Variants in IFT172 observed in about 807,000 individuals in gnomAD.
IFT172 encodes intraflagellar transport 172.
Under a neutral mutation model 248.9 loss-of-function variants are expected in IFT172, and 164 were observed. The observed-to-expected ratio is 0.66, with a 90% confidence interval of 0.58 to 0.75. The LOEUF is 0.75. Among genes scored for constraint, IFT172 ranks in the 30% least tolerant of loss-of-function variants. IFT172 has a pLI of 0.00. For synonymous variants in IFT172, 729 were observed against 791.6 expected, an observed-to-expected ratio of 0.92 and a Z score of 1.33; for missense variants, 1,950 against 2,192.4, an observed-to-expected ratio of 0.89 and a Z score of 2.21.
At position 27,459,488 on chromosome 2, in the gene IFT172, C is replaced by T. The variant is rs1558377434; in HGVS notation, c.2677G>A (p.Ala893Thr). 6.2e-7 allele frequency: 1 copy of T among 1,614,138 alleles called. No individual in the cohort carries two copies. The highest frequency in any genetic ancestry group is 1.7e-5 in the Admixed American group (1 of 60,024). ...SIKAIEAALGARQWKKAIYIL... is the reference protein window; with the variant it reads ...SIKAIEAALGTRQWKKAIYIL... ...TAAATTGCCTTCTTCCACTGGCGGG[C>T]ACCCAGGGCGGCCTCAATTGCCTTA... Residue 893 changes from alanine (A) to threonine (T), a missense_variant, in exon 25 of 48, where the codon GCC becomes ACC. Transcript: ENST00000260570.
At chr2:27,485,880 A>C (rs1381217727) in intron 1 of IFT172, among the ~76,000 whole-genome samples, 3 of 152,254 alleles carry the variant, frequency 2.0e-5, no homozygotes, top group Non-Finnish European at 4.4e-5. Flanking sequence ...TGATCAAGGC[A>C]CTTGGCCAGG....
In IFT172 at chr2:27,457,781, G is replaced by C; in HGVS notation, c.3112-26C>G. On this transcript the variant is annotated intron_variant, in intron 28 of 47. Coordinates refer to ENST00000260570, the MANE Select transcript of IFT172 (RefSeq NM_015662.3). ...CTGCAGGAAGGTGAGTCAGGATGGA[G>C]AGATGGGGAGATGGAGCCTGGTTGG... is the stretch of plus-strand genomic sequence containing the variant. The C allele has an allele frequency of 2.5e-6, 4 of 1,614,130 alleles. No homozygotes were observed. The African/African-American group carries it at 4.0e-5, about 16-fold the overall frequency.
chr2:27,465,649 C>T (rs1338696095), intron 17 of IFT172, 97 bp downstream of exon 17: 16 of 1,563,020 alleles, frequency 1.0e-5, no homozygotes, highest in Non-Finnish European at 1.2e-5. Context: ...TCACTGGATC[C>T]TTATTAGTGC....
Position 27,454,541 on chromosome 2 carries a change from G to A in IFT172, c.3465+26C>T, listed in dbSNP as rs1274574140. On this transcript the variant is annotated intron_variant, in intron 31 of 47. Transcript: ENST00000260570. The surrounding 1 kb of genome is among the most constrained non-coding windows in gnomAD (Gnocchi z 4.2). ...AGGGGATGGAATAAGAGGGCTCTGCGGTCGGGGTCCAAATCACACCCATAC... is the reference window on the plus strand; with the variant it reads ...AGGGGATGGAATAAGAGGGCTCTGCAGTCGGGGTCCAAATCACACCCATAC... The A allele has an allele frequency of 1.2e-5, 20 of 1,611,938 alleles. No homozygotes were observed. In the East Asian group the frequency reaches 1.6e-4, roughly 13 times the overall value.
rs34115935 is a variant in IFT172, at chr2:27,467,418, G to GAAAAA, written c.1693-1541_1693-1537dup. 9.7e-4 allele frequency among the ~76,000 whole-genome samples: 16 copies of GAAAAA among 16,428 alleles called. 1 individual carries two copies. Among genetic ancestry groups the GAAAAA allele is most frequent in the East Asian group, 2.4e-3 (1 of 420 alleles). The allele number at this position is 16,428 out of a possible 152,430, so 10.8% of individuals were successfully genotyped here. A position where few individuals can be genotyped will look rare whatever the true frequency, so the allele number is the denominator to read the frequency against. ...TGAGAACTTGTCTTTACAGAAAATTGAAAAAAAAAAAAAAAAAAAAAAAAA... is the reference window on the plus strand; with the variant it reads ...TGAGAACTTGTCTTTACAGAAAATTGAAAAAAAAAAAAAAAAAAAAAAAAAAAAAA... On this transcript the variant is annotated intron_variant, in intron 16 of 47. Transcript: ENST00000260570.
At chr2:27,476,801 A>G (rs112624394) in intron 13 of IFT172, 75 bp from the exon 14 acceptor site, 1 of 816,858 alleles carries the variant, frequency 1.2e-6, no homozygotes, top group South Asian at 1.5e-5. Context: ...CTGAAGTACC[A>G]TATGGGATGA....
chr2:27,482,714 A>C (rs1407359755), intron 7 of IFT172, among the ~76,000 whole-genome samples: 1 of 152,172 alleles, frequency 6.6e-6, no homozygotes, highest in African/African-American at 2.4e-5. Flanking sequence ...ATCTACATAC[A>C]TAAATATATA....
chr2:27,465,470 T>A lies in IFT172; in HGVS notation c.1878A>T (p.Ala626=). ...ETLEMTPETE[A]MWKTLSKLAL... ...CCAGTTTACTCAAGGTTTTCCACAT[T>A]GCCTCTGTTTCTGGGGTCATTTCCA... Residue 626 remains alanine, a synonymous_variant, in exon 18 of 48, where the codon GCA becomes GCT. Transcript: ENST00000260570. 6.2e-7 allele frequency: 1 copy of A among 1,614,198 alleles called. No homozygotes were observed. Among genetic ancestry groups the A allele is most frequent in the South Asian group, 1.1e-5 (1 of 91,080 alleles).
intron 16 of IFT172, among the ~76,000 whole-genome samples, chr2:27,470,630 ACAT>A (rs1667493076): frequency 1.3e-5 from 2 of 152,274 alleles, no homozygotes; most frequent in East Asian, 1.9e-4. Context: ...GAAGGAGATG[ACAT>A]TAGAACTGCC....
In IFT172 at chr2:27,454,361, C is replaced by T. The variant is rs780334650; in HGVS notation, c.3523G>A (p.Val1175Ile). The T allele has an allele frequency of 1.9e-6, 3 of 1,614,204 alleles. No homozygotes were observed. Among genetic ancestry groups the T allele is most frequent in the Non-Finnish European group, 2.5e-6 (3 of 1,180,042 alleles). Residue 1175 changes from valine (V) to isoleucine (I), a missense_variant, in exon 32 of 48, where the codon GTC becomes ATC. By Grantham distance (29) the Val-to-Ile change is conservative (BLOSUM62 3). This residue lies in a region of IFT172 where 164 missense variants were observed against 239.3 expected (regional missense o/e 0.69). Coordinates refer to ENST00000260570, the MANE Select transcript of IFT172 (RefSeq NM_015662.3). This position sits in a 1 kb window ranked among gnomAD's most constrained non-coding sequence, Gnocchi z 4.2. ...ATGTATGGGGTAACTCACATGAGGACTGCCTCCTTGGGTTTACCAGCTCTG... is the reference window on the plus strand; with the variant it reads ...ATGTATGGGGTAACTCACATGAGGATTGCCTCCTTGGGTTTACCAGCTCTG... Reference protein sequence around the residue: ...FIRAGKPKEAVLMFVHNQDWE... With the variant: ...FIRAGKPKEAILMFVHNQDWE...
chr2:27,451,886 C>T (rs1665709831), intron 35 of IFT172, among the ~76,000 whole-genome samples: 1 of 152,000 alleles, frequency 6.6e-6, no homozygotes, highest in Non-Finnish European at 1.5e-5. Context: ...CCCCTCATGA[C>T]CCCCACTCAC....
chr2:27,450,151 C>A, intron 35 of IFT172, 55 bp from the exon 36 acceptor site: 2 of 1,288,764 alleles, frequency 1.6e-6, no homozygotes, highest in Non-Finnish European at 2.2e-6. Flanking sequence ...ACCGCTGAGT[C>A]CTCAGCCTCA....
Position 27,458,763 on chromosome 2 carries a change from C to T in IFT172, c.2877+16G>A, listed in dbSNP as rs371011283. The stretch of plus-strand genomic sequence containing the variant: ...TAAGGCAGAGTTCTCTTATCATGAA[C>T]TCCACCCATCCCTACCTTGTGGGCT... On this transcript the variant is annotated intron_variant, in intron 26 of 47. Transcript: ENST00000260570. 6.9e-5 allele frequency: 111 copies of T among 1,612,980 alleles called. No individual in the cohort carries two copies. Among genetic ancestry groups the T allele is most frequent in the Non-Finnish European group, 8.6e-5 (101 of 1,179,632 alleles).
intron 7 of IFT172, among the ~76,000 whole-genome samples, 154 bp downstream of exon 7, chr2:27,483,135 C>G (rs761150540): frequency 6.6e-6 from 1 of 151,798 alleles, no homozygotes; most frequent in Non-Finnish European, 1.5e-5. Context: ...TCCTGAGTAG[C>G]TGGGACTACA....
At position 27,471,082 on chromosome 2, in the gene IFT172, T is replaced by C. The variant is rs2148528615; in HGVS notation, c.1538A>G (p.Asp513Gly). ...CATTGTCTTAGAGCAGCTTTCAATA[T>C]CATACAGATGCAACTGAAGAAAGAA... ...RDRKLRLHLY[D>G]IESCSKTMIL... Residue 513 changes from aspartate (D) to glycine (G), a missense_variant, in exon 16 of 48, where the codon GAT (aspartate) becomes GGT (glycine). Physicochemically the swap from Asp to Gly is moderately conservative, Grantham distance 94 (BLOSUM62 -1). Transcript: ENST00000260570. 6.2e-7 allele frequency: 1 copy of C among 1,609,372 alleles called. No individual in the cohort carries two copies. Among genetic ancestry groups the C allele is most frequent in the Non-Finnish European group, 8.5e-7 (1 of 1,178,926 alleles).
chr2:27,470,903 TGAGGGCCCCTA>T lies in IFT172; in HGVS notation c.1692+14_1692+24del. The T allele has an allele frequency of 6.4e-7, 1 of 1,555,046 alleles. No homozygotes were observed. The highest frequency in any genetic ancestry group is 8.7e-7 in the Non-Finnish European group (1 of 1,154,728). On this transcript the variant is annotated intron_variant, in intron 16 of 47. Transcript: ENST00000260570. ...TAATTAATCAGCTCAATACCACATC[TGAGGGCCCCTA>T]GTGTCCAACATACCCTAATAGTGAA...
At chr2:27,487,818 C>T (rs1182786095) in intron 1 of IFT172, among the ~76,000 whole-genome samples, 6 of 152,140 alleles carry the variant, frequency 3.9e-5, no homozygotes, top group South Asian at 2.1e-4. Flanking sequence ...CCCCTGACCT[C>T]GGGTGATCTG....
chr2:27,461,644 C>T (rs1666678580), intron 21 of IFT172, 115 bp downstream of exon 21: 12 of 1,515,696 alleles, frequency 7.9e-6, no homozygotes, highest in Non-Finnish European at 1.1e-5. Flanking sequence ...CTCCTCACCA[C>T]ATCAAGTCCA....
Position 27,483,294 on chromosome 2 carries a change from ACT to A in IFT172, c.563_564del (p.Glu188ValfsTer7), listed in dbSNP as rs1558414559. 1 of 1,562,608 alleles carries A rather than the reference ACT, an allele frequency of 6.4e-7. No homozygotes were observed. The highest frequency in any genetic ancestry group is 8.8e-7 in the Non-Finnish European group (1 of 1,133,218). ...ACAACATTCTTTATTCATACCTGTGACTCTCCAGAGCCTTCATCATCAAAGAA... is the reference window on the plus strand; with the variant it reads ...ACAACATTCTTTATTCATACCTGTGACTCCAGAGCCTTCATCATCAAAGAA... The part of the protein sequence containing the change: ...RYFFDDEGSG[E>X]SQGKLVNHPC... On this transcript the variant is annotated frameshift_variant, in exon 7 of 48. Transcript: ENST00000260570. LOFTEE classifies it high-confidence loss of function.
Sources: allele counts gnomAD v4.1 joint callset (sites outside exome capture counted in the v4.1 genomes callset), GRCh38; gene constraint gnomAD v4.1.1; regional missense constraint gnomAD v4.1.1; non-coding constraint Gnocchi (gnomAD v3.1); transcripts MANE v1.5; gene names NCBI Gene and HGNC (gene_info 2026-07-23, HGNC 2026-07-21).